The following NINL variants were observed in gnomAD, a reference collection of about 807,000 sequenced individuals.
The protein encoded by NINL is ninein-like protein.
A neutral mutation model predicts 160.3 loss-of-function variants in NINL; 153 were observed. That is an observed-to-expected ratio of 0.95 (90% CI 0.84 to 1.09). The LOEUF is 1.09. Among genes scored for constraint, NINL ranks in the 50% least tolerant of loss-of-function variants. NINL has a pLI of 0.00. For synonymous variants in NINL, 800 were observed against 734.8 expected, an observed-to-expected ratio of 1.09 and a Z score of -1.43; for missense variants, 1,829 against 1,764.0, an observed-to-expected ratio of 1.04 and a Z score of -0.66.
At chr20:25,494,326 G>A (rs556191693) in intron 10 of NINL, among the ~76,000 whole-genome samples, 10 of 151,484 alleles carry the variant, frequency 6.6e-5, no homozygotes, top group Non-Finnish European at 1.5e-4. Flanking sequence ...CATGCTCAAA[G>A]CACTGACATG....
At chr20:25,579,351 T>G (rs556689164) in intron 1 of NINL, among the ~76,000 whole-genome samples, 1 of 152,256 alleles carries the variant, frequency 6.6e-6, no homozygotes, top group African/African-American at 2.4e-5. Flanking sequence ...TGAAAGAATT[T>G]AACAAAAACA....
intron 12 of NINL, 78 bp downstream of exon 12, chr20:25,489,797 C>T: frequency 8.3e-7 from 1 of 1,198,482 alleles, no homozygotes; most frequent in Non-Finnish European, 1.2e-6. Context: ...CCGCATCTCT[C>T]CCTGGCCACC....
chr20:25,490,758 G>A (rs1192267938), intron 11 of NINL, among the ~76,000 whole-genome samples: 2 of 152,114 alleles, frequency 1.3e-5, no homozygotes, highest in Non-Finnish European at 2.9e-5. Flanking sequence ...TGGAGAGCAA[G>A]GCTGTTGGGG....
chr20:25,511,068 C>T (rs1205402246), intron 4 of NINL, among the ~76,000 whole-genome samples: 1 of 152,242 alleles, frequency 6.6e-6, no homozygotes, highest in Non-Finnish European at 1.5e-5. Flanking sequence ...CATAGCAGCA[C>T]AGAAGCTGTC....
chr20:25,520,104 C>A (rs1462700254), intron 2 of NINL, among the ~76,000 whole-genome samples: 1 of 150,260 alleles, frequency 6.7e-6, no homozygotes, highest in African/African-American at 2.5e-5. Context: ...GGTGTCCAGG[C>A]AGTGGTTGAC....
intron 19 of NINL, among the ~76,000 whole-genome samples, chr20:25,464,254 TA>T (rs1454634983): frequency 5.3e-5 from 8 of 152,016 alleles, no homozygotes; most frequent in African/African-American, 1.9e-4. Flanking sequence ...CCATCTCCAC[TA>T]AAAATACAAA....
chr20:25,550,564 A>T (rs1261242450), intron 1 of NINL, among the ~76,000 whole-genome samples: 1 of 152,166 alleles, frequency 6.6e-6, no homozygotes, highest in Non-Finnish European at 1.5e-5. Flanking sequence ...ATGTGGCAGG[A>T]CTATAGGGTA....
At chr20:25,543,613 C>A (rs1482093996) in intron 1 of NINL, among the ~76,000 whole-genome samples, 1 of 152,198 alleles carries the variant, frequency 6.6e-6, no homozygotes, top group Non-Finnish European at 1.5e-5. Flanking sequence ...ACCTTTTCTG[C>A]GTGGTAGATG....
At chr20:25,544,093 A>AATT (rs1600315776) in intron 1 of NINL, among the ~76,000 whole-genome samples, 1 of 151,510 alleles carries the variant, frequency 6.6e-6, no homozygotes, top group African/African-American at 2.4e-5. Flanking sequence ...TCTTTTTCAA[A>AATT]GGTGTAAGAG....
At chr20:25,544,771 G>T (rs992917079) in intron 1 of NINL, among the ~76,000 whole-genome samples, 1 of 152,196 alleles carries the variant, frequency 6.6e-6, no homozygotes, top group Non-Finnish European at 1.5e-5. Flanking sequence ...AACCAAGCTG[G>T]GTGCAGGGAA....
At chr20:25,582,010 C>G (rs993189433) in intron 1 of NINL, among the ~76,000 whole-genome samples, 2 of 152,228 alleles carry the variant, frequency 1.3e-5, no homozygotes, top group Admixed American at 6.5e-5. Context: ...GTAATCCCAG[C>G]ACCTTGGGAG....
At chr20:25,494,892 C>T (rs2063721297) in intron 10 of NINL, among the ~76,000 whole-genome samples, 1 of 152,202 alleles carries the variant, frequency 6.6e-6, no homozygotes, top group South Asian at 2.1e-4. Context: ...GACCAGTGGC[C>T]TTCGGCTGAC....
intron 1 of NINL, among the ~76,000 whole-genome samples, chr20:25,535,127 G>A (rs914112499): frequency 2.0e-5 from 3 of 152,138 alleles, no homozygotes; most frequent in African/African-American, 4.8e-5. Context: ...ACATGGATAC[G>A]CCTAGAGGAC....
intron 1 of NINL, among the ~76,000 whole-genome samples, chr20:25,563,591 GAGA>G (rs1402634150): frequency 3.3e-5 from 5 of 152,168 alleles, no homozygotes; most frequent in East Asian, 1.9e-4. Flanking sequence ...ACCAATTAAA[GAGA>G]AGGACTATCA....
rs1254126483 is a variant in NINL at position 25,504,887 on chromosome 20, C to T, written c.708+1G>A. The T allele has an allele frequency of 1.9e-6, 3 of 1,610,500 alleles. No homozygotes were observed. The highest frequency in any genetic ancestry group is 2.2e-5 in the South Asian group (2 of 90,992). Reference sequence around the variant, plus strand: ...GCTGGGTGGCCTGCTGTGCCCCTCACCTCTTTCTCGAGTCCCTGGAGCCCG... The same window carrying T: ...GCTGGGTGGCCTGCTGTGCCCCTCATCTCTTTCTCGAGTCCCTGGAGCCCG... On this transcript the variant is annotated splice_donor_variant, in intron 6 of 23. Coordinates refer to ENST00000278886, the MANE Select transcript of NINL (RefSeq NM_025176.6). LOFTEE classifies it high-confidence loss of function.
Position 25,461,637 on chromosome 20 carries a change from T to C in NINL, c.3583-2A>G. The C allele has an allele frequency of 1.3e-6, 2 of 1,599,534 alleles. No homozygotes were observed. Among genetic ancestry groups the C allele is most frequent in the Non-Finnish European group, 8.6e-7 (1 of 1,167,528 alleles). ...TCTAAGTTTTTGGATTTGGTCACTC[T>C]GTTTTTAAAAAATCAATTGCACAAG... On this transcript the variant is annotated splice_acceptor_variant, in intron 20 of 23. Coordinates refer to ENST00000278886, the MANE Select transcript of NINL (RefSeq NM_025176.6). LOFTEE classifies it high-confidence loss of function.
chr20:25,459,158 C>G (rs1276358145), intron 21 of NINL, among the ~76,000 whole-genome samples: 1 of 152,236 alleles, frequency 6.6e-6, no homozygotes, highest in Admixed American at 6.5e-5. Context: ...CCTATAAGAA[C>G]TGGCCACGCC....
chr20:25,560,435 A>C lies in NINL; in HGVS notation c.-12+25020T>G, dbSNP rs80279605. ...AAATTTGTAAATGACCAAACTGGCTAAGGTCAGTAGGCACTCATTATCCTA... is the reference window on the plus strand; with the variant it reads ...AAATTTGTAAATGACCAAACTGGCTCAGGTCAGTAGGCACTCATTATCCTA... On this transcript the variant is annotated intron_variant, in intron 1 of 23. Coordinates refer to ENST00000278886, the MANE Select transcript of NINL (RefSeq NM_025176.6). 2.2e-3 allele frequency among the ~76,000 whole-genome samples: 331 copies of C among 152,322 alleles called. 1 individual carries two copies. The highest frequency in any genetic ancestry group is 3.2e-3 in the Non-Finnish European group (221 of 68,024).
intron 1 of NINL, among the ~76,000 whole-genome samples, chr20:25,578,537 T>C (rs1271590855): frequency 4.6e-5 from 7 of 152,026 alleles, no homozygotes; most frequent in African/African-American, 1.7e-4. Flanking sequence ...TTCATACCTG[T>C]AATCCCAGCA....
Sources: gnomAD v4.1 joint callset for allele counts (sites outside exome capture counted in the v4.1 genomes callset) on GRCh38, gnomAD v4.1.1 for gene constraint, MANE v1.5 for transcripts, NCBI Gene and HGNC (gene_info 2026-07-23, HGNC 2026-07-21) for gene names.